LINGO2: variants seen among roughly 807,000 people sequenced by gnomAD.
The protein encoded by LINGO2 is leucine rich repeat and Ig domain containing 2, also known as leucine-rich repeat and immunoglobulin-like domain-containing nogo receptor-interacting protein 2.
LINGO2 carries 14 observed loss-of-function variants against 30.6 expected under a neutral mutation model. The ratio of observed to expected loss-of-function variants is 0.46; its 90% confidence interval spans 0.30 to 0.72. The LOEUF is 0.72. Ranked by LOEUF, LINGO2 falls within the 30% of genes least tolerant of loss-of-function variation. The pLI is 0.07. For missense variants in LINGO2, 729 were observed against 751.7 expected (o/e 0.97, Z 0.35); for synonymous variants, 317 against 288.5 (o/e 1.10, Z -1.00).
At chr9:28,445,184 T>C (rs555465196) in intron 2 of LINGO2, among the ~76,000 whole-genome samples, 5 of 152,342 alleles carry the variant, frequency 3.3e-5, no homozygotes, top group Non-Finnish European at 7.4e-5. Flanking sequence ...TTATCCTTTA[T>C]TTTCAGAAGT....
chr9:28,946,759 C>A, the LINGO2 span, among the ~76,000 whole-genome samples: 1 of 152,058 alleles, frequency 6.6e-6, no homozygotes. Flanking sequence ...TCTGCTCCCA[C>A]AGAAATGGTG....
the LINGO2 span, among the ~76,000 whole-genome samples, chr9:28,756,134 A>G: frequency 1.3e-5 from 2 of 152,054 alleles, no homozygotes; most frequent in Non-Finnish European, 2.9e-5. Flanking sequence ...ACTTGTCAAA[A>G]CATCTTGGAA....
At chr9:28,869,501 C>G in the LINGO2 span, among the ~76,000 whole-genome samples, 1 of 151,848 alleles carries the variant, frequency 6.6e-6, no homozygotes, top group African/African-American at 2.4e-5. Context: ...TTGCGAAATT[C>G]AAGAGACAAT....
At chr9:29,054,947 G>A in the LINGO2 span, among the ~76,000 whole-genome samples, 25,260 of 152,014 alleles carry the variant, frequency 0.17, 2,257 homozygotes, top group East Asian at 0.34. Context: ...GGACAGGTGC[G>A]GTGGATCGCG....
chr9:28,064,430 A>C (rs770904993), intron 4 of LINGO2, among the ~76,000 whole-genome samples: 1 of 152,102 alleles, frequency 6.6e-6, no homozygotes, highest in South Asian at 2.1e-4. Context: ...TGCATTGACG[A>C]ACCAGCTGGG....
At chr9:28,791,590 T>C in the LINGO2 span, among the ~76,000 whole-genome samples, 1 of 152,068 alleles carries the variant, frequency 6.6e-6, no homozygotes, top group Non-Finnish European at 1.5e-5. Flanking sequence ...CTTGAATATA[T>C]CTTATCCTAA....
At chr9:29,022,078 T>G in the LINGO2 span, among the ~76,000 whole-genome samples, 1 of 152,204 alleles carries the variant, frequency 6.6e-6, no homozygotes, top group South Asian at 2.1e-4. Flanking sequence ...CTTCTTAAAT[T>G]ACTAATAATT....
chr9:28,066,888 G>A (rs1415873726), intron 4 of LINGO2, among the ~76,000 whole-genome samples: 1 of 151,874 alleles, frequency 6.6e-6, no homozygotes, highest in Non-Finnish European at 1.5e-5. Flanking sequence ...CAGAATAATG[G>A]TGCTTAGTGA....
intron 1 of LINGO2, among the ~76,000 whole-genome samples, chr9:28,496,587 A>T (rs1819639112): frequency 6.6e-6 from 1 of 151,828 alleles, no homozygotes; most frequent in Non-Finnish European, 1.5e-5. Context: ...AATATAGCAC[A>T]CTGATGGGTC....
the LINGO2 span, among the ~76,000 whole-genome samples, chr9:28,698,583 A>G: frequency 6.6e-6 from 1 of 152,042 alleles, no homozygotes; most frequent in Non-Finnish European, 1.5e-5. Context: ...AGATAAAATT[A>G]TTGACTAGCT....
chr9:28,374,053 G>A (rs10968541), intron 2 of LINGO2, among the ~76,000 whole-genome samples: 4,698 of 151,952 alleles, frequency 0.031, 98 homozygotes, highest in Non-Finnish European at 0.048. Flanking sequence ...CCTTTAACCC[G>A]CACAACAACC....
chr9:29,177,148 C>A, the LINGO2 span, among the ~76,000 whole-genome samples: 3 of 152,196 alleles, frequency 2.0e-5, no homozygotes, highest in Non-Finnish European at 2.9e-5. Flanking sequence ...TAACCTGTTT[C>A]TTCCACTTAA....
At chr9:29,041,970 GA>G in the LINGO2 span, among the ~76,000 whole-genome samples, 1 of 151,872 alleles carries the variant, frequency 6.6e-6, no homozygotes, top group Non-Finnish European at 1.5e-5. Context: ...TTTCCATCTA[GA>G]AAATGAGGGA....
At chr9:28,038,060 C>G (rs941562534) in intron 4 of LINGO2, among the ~76,000 whole-genome samples, 4 of 152,178 alleles carry the variant, frequency 2.6e-5, no homozygotes, top group Non-Finnish European at 4.4e-5. Context: ...TCTCAACCAC[C>G]ATACCACTTT....
At chr9:29,042,600 T>A in the LINGO2 span, among the ~76,000 whole-genome samples, 2 of 151,980 alleles carry the variant, frequency 1.3e-5, no homozygotes, top group Non-Finnish European at 2.9e-5. Flanking sequence ...CAAGAATATA[T>A]TTCTTTTAAT....
chr9:27,993,971 G>A (rs537073579), intron 5 of LINGO2, among the ~76,000 whole-genome samples: 26 of 151,634 alleles, frequency 1.7e-4, no homozygotes, highest in African/African-American at 5.3e-4. Context: ...TCTGACCACC[G>A]TGGAATAAAA....
rs5897300 is a variant in LINGO2 at position 28,434,349 on chromosome 9, GAA to G, written c.-279+41589_-279+41590del. ...AAATAAAAAAAATTAAGAAAAAAAG[GAA>G]AAAAAAAAAAGAGAGAAGAGTCTCC... On this transcript the variant is annotated intron_variant, in intron 2 of 5. Transcript: ENST00000379992. 8.2e-4 allele frequency among the ~76,000 whole-genome samples: 119 copies of G among 144,416 alleles called. 1 individual carries two copies. The highest frequency in any genetic ancestry group is 1.5e-3 in the South Asian group (7 of 4,532). The allele number at this position is 144,416 out of a possible 152,430, so 94.7% of individuals were successfully genotyped here. A position where few individuals can be genotyped will look rare whatever the true frequency, so the allele number is the denominator to read the frequency against.
intron 1 of LINGO2, among the ~76,000 whole-genome samples, chr9:28,663,502 G>A (rs1828667990): frequency 6.6e-6 from 1 of 152,076 alleles, no homozygotes; most frequent in Non-Finnish European, 1.5e-5. Flanking sequence ...TATCCTGCAT[G>A]CCCTGTGAGA....
At chr9:28,691,223 C>T in the LINGO2 span, among the ~76,000 whole-genome samples, 1 of 152,164 alleles carries the variant, frequency 6.6e-6, no homozygotes, top group East Asian at 1.9e-4. Flanking sequence ...TGGAATCATG[C>T]CATTTTGCCA....
Sources: allele counts gnomAD v4.1 joint callset (sites outside exome capture counted in the v4.1 genomes callset), GRCh38; gene constraint gnomAD v4.1.1; transcripts MANE v1.5; gene names NCBI Gene and HGNC (gene_info 2026-07-23, HGNC 2026-07-21).